Variants in CRTC1 observed in about 807,000 individuals in gnomAD.
CRTC1 encodes CREB regulated transcription coactivator 1.
In CRTC1, 18 loss-of-function variants were observed where a neutral mutation model predicts 66.1. The ratio of observed to expected loss-of-function variants is 0.27; its 90% CI spans 0.19 to 0.40. The LOEUF (loss-of-function observed/expected upper bound fraction) is 0.40, where lower values mean the gene tolerates loss of function less well. Ranked by LOEUF, CRTC1 falls within the 10% of genes least tolerant of loss-of-function variation. The probability of loss-of-function intolerance (pLI) is 1.00; values close to 1 mark genes in which losing one functional copy is unlikely to be tolerated. For synonymous variants in CRTC1, 416 were observed against 398.8 expected (o/e 1.04, Z -0.51); for missense variants, 669 against 887.9 (o/e 0.75, Z 3.13).
At chr19:18,743,805 C>A (rs2054167079) in intron 2 of CRTC1, among the ~76,000 whole-genome samples, 1 of 152,166 alleles carries the variant, frequency 6.6e-6, no homozygotes, top group South Asian at 2.1e-4. Flanking sequence ...TGCGCCTCCT[C>A]CGGCATACAG....
At chr19:18,701,491 C>T (rs191624582) in intron 1 of CRTC1, among the ~76,000 whole-genome samples, 20 of 152,392 alleles carry the variant, frequency 1.3e-4, no homozygotes, top group Admixed American at 2.6e-4. Context: ...ACCTTGTTCA[C>T]CTCTGTGCCT....
At chr19:18,762,440 G>C (rs1192047599) in intron 8 of CRTC1, among the ~76,000 whole-genome samples, 1 of 152,216 alleles carries the variant, frequency 6.6e-6, no homozygotes, top group Non-Finnish European at 1.5e-5. Flanking sequence ...CACACACGAA[G>C]GTGGCCCCCT....
chr19:18,733,860 A>G (rs1403828974), intron 1 of CRTC1, among the ~76,000 whole-genome samples: 1 of 152,236 alleles, frequency 6.6e-6, no homozygotes, highest in East Asian at 1.9e-4. Flanking sequence ...TCCTGCCTGT[A>G]ATCCCAGCAC....
intron 1 of CRTC1, among the ~76,000 whole-genome samples, chr19:18,734,094 C>A (rs2053946111): frequency 6.6e-6 from 1 of 151,182 alleles, no homozygotes; most frequent in African/African-American, 2.4e-5. Flanking sequence ...AAGAGTGAGA[C>A]TCCGTCTCAA....
chr19:18,760,074 G>T lies in CRTC1; in HGVS notation c.732G>T (p.Gly244=), dbSNP rs954956396. The T allele has an allele frequency of 1.2e-6, 2 of 1,613,544 alleles. No homozygotes were observed. Among genetic ancestry groups the T allele is most frequent in the South Asian group, 1.1e-5 (1 of 91,044 alleles). ...ALIPATHNTG[G]SLPDLTNIHF... is the part of the protein sequence containing the mutation. ...TCCCCGCCACCCACAACACAGGGGG[G>T]TCCCTGCCCGACCTGACCAACATCC... Residue 244 remains glycine, a synonymous_variant, in exon 8 of 14, where the codon GGG becomes GGT. Coordinates refer to ENST00000321949, the MANE Select transcript of CRTC1 (RefSeq NM_015321.3). This position sits in a 1 kb window ranked among gnomAD's most constrained non-coding sequence, Gnocchi z 6.2.
At position 18,728,021 on chromosome 19, in the gene CRTC1, C is replaced by T. The variant is rs573218929; in HGVS notation, c.127-14889C>T. 2.1e-4 allele frequency among the ~76,000 whole-genome samples: 32 copies of T among 152,194 alleles called. No homozygotes were observed. The East Asian group carries it at 5.8e-3, about 28-fold the overall frequency. On this transcript the variant is annotated intron_variant, in intron 1 of 13. Coordinates refer to ENST00000321949, the MANE Select transcript of CRTC1 (RefSeq NM_015321.3). ...GATTACAGGCGTGAGCCACCGTGCC[C>T]GGCCTCCACCTTACTTTCAGAGCCT...
intron 1 of CRTC1, among the ~76,000 whole-genome samples, chr19:18,709,998 G>A (rs550957225): frequency 1.3e-5 from 2 of 152,204 alleles, no homozygotes; most frequent in South Asian, 4.1e-4. Context: ...GCTCTCTTGA[G>A]GCTCTGAGCC....
chr19:18,779,708 G>A lies in CRTC1; in HGVS notation c.*2326G>A, dbSNP rs2055066369. ...ATAGGAGAGGAGGGATGCCCACCTC[G>A]GAGCATCCCAGGCCCGTGGCCCATT... On this transcript the variant is annotated 3_prime_UTR_variant, in exon 14 of 14. Transcript: ENST00000321949. The A allele has an allele frequency of 2.2e-5, 5 of 224,074 alleles. No homozygotes were observed. Among genetic ancestry groups the A allele is most frequent in the South Asian group, 3.7e-4 (2 of 5,446 alleles). 13.9% of individuals were successfully genotyped at this position (224,074 alleles called of 1,614,324 possible).
chr19:18,713,824 T>C (rs2053445475), intron 1 of CRTC1, among the ~76,000 whole-genome samples: 1 of 152,116 alleles, frequency 6.6e-6, no homozygotes, highest in South Asian at 2.1e-4. Flanking sequence ...GGAGCTGACA[T>C]CCCAAAAGGC....
chr19:18,731,493 G>T (rs965659289), intron 1 of CRTC1, among the ~76,000 whole-genome samples: 1 of 152,160 alleles, frequency 6.6e-6, no homozygotes. Flanking sequence ...TCAAGATCCC[G>T]CACTAATTAC....
At chr19:18,735,776 G>A (rs1232742290) in intron 1 of CRTC1, 2 of 153,156 alleles carry the variant, frequency 1.3e-5, no homozygotes, top group Non-Finnish European at 2.9e-5. Flanking sequence ...GCTCCCCAGT[G>A]CTGTGTCTCT....
chr19:18,732,506 T>G (rs1294802256), intron 1 of CRTC1, among the ~76,000 whole-genome samples: 2 of 152,256 alleles, frequency 1.3e-5, no homozygotes, highest in African/African-American at 4.8e-5. Context: ...TTTAAGCTGC[T>G]TGGTCTTTGG....
intron 1 of CRTC1, among the ~76,000 whole-genome samples, chr19:18,690,313 G>A (rs1048704973): frequency 1.3e-5 from 2 of 152,286 alleles, no homozygotes; most frequent in Non-Finnish European, 2.9e-5. Flanking sequence ...CAGGCACAGC[G>A]CAGTGGTGGC....
At chr19:18,688,421 G>T (rs953132194) in intron 1 of CRTC1, among the ~76,000 whole-genome samples, 4 of 151,970 alleles carry the variant, frequency 2.6e-5, no homozygotes, top group African/African-American at 7.3e-5. Context: ...AAGCCTCCCT[G>T]CTTGTTTTGT....
chr19:18,775,325 G>T (rs113061078), intron 12 of CRTC1, among the ~76,000 whole-genome samples: 1 of 152,246 alleles, frequency 6.6e-6, no homozygotes, highest in South Asian at 2.1e-4. Flanking sequence ...GACCGTGCAC[G>T]CGGGTTTGCC....
intron 1 of CRTC1, among the ~76,000 whole-genome samples, chr19:18,730,265 C>T (rs1335537591): frequency 7.1e-6 from 1 of 141,066 alleles, no homozygotes; most frequent in East Asian, 2.1e-4. Flanking sequence ...ATCACCAGCT[C>T]CTCACTCAGG....
At chr19:18,770,939 T>C (rs1351495984) in intron 10 of CRTC1, among the ~76,000 whole-genome samples, 1 of 151,702 alleles carries the variant, frequency 6.6e-6, no homozygotes, top group Non-Finnish European at 1.5e-5. Context: ...TGTGCCTGTG[T>C]GTGTGCATTT....
In CRTC1 at chr19:18,765,515, C is replaced by G. The variant is rs1201118868; in HGVS notation, c.998C>G (p.Ser333Ter). 1 of 1,606,082 alleles carries G rather than the reference C, an allele frequency of 6.2e-7. No homozygotes were observed. Among genetic ancestry groups the G allele is most frequent in the Non-Finnish European group, 8.5e-7 (1 of 1,178,896 alleles). ...QQASPTLSPL[S>*]PITQAVAMDA... is the part of the protein sequence containing the mutation. ...GCATCGCCCACCCTGTCCCCGCTGTCACCCATCACTCAGGTGCGAGGGCAA... is the reference window on the plus strand; with the variant it reads ...GCATCGCCCACCCTGTCCCCGCTGTGACCCATCACTCAGGTGCGAGGGCAA... The change falls in exon 9 of 14, where the codon TCA becomes TGA. Residue 333 changes from serine to a stop codon, truncating the protein, a stop_gained. Transcript: ENST00000321949. LOFTEE classifies it high-confidence loss of function.
chr19:18,692,878 A>G (rs981578341), intron 1 of CRTC1, among the ~76,000 whole-genome samples: 2 of 151,650 alleles, frequency 1.3e-5, no homozygotes, highest in Non-Finnish European at 2.9e-5. Context: ...GATAGAGACT[A>G]TCCTGGCTAA....
Sources: gnomAD v4.1 joint callset for allele counts (sites outside exome capture counted in the v4.1 genomes callset) on GRCh38, gnomAD v4.1.1 for gene constraint, Gnocchi (gnomAD v3.1) non-coding constraint, MANE v1.5 for transcripts, NCBI Gene and HGNC (gene_info 2026-07-23, HGNC 2026-07-21) for gene names.